MOGAT1: variants seen among roughly 807,000 people sequenced by gnomAD.
MOGAT1 encodes the protein monoacylglycerol O-acyltransferase 1, also known as 2-acylglycerol O-acyltransferase 1.
In MOGAT1, 32 loss-of-function variants were observed where a neutral mutation model predicts 31.4. The ratio of observed to expected loss-of-function variants is 1.02; its 90% CI spans 0.77 to 1.37. The LOEUF (loss-of-function observed/expected upper bound fraction) is 1.37. MOGAT1 is among the 40% of genes most tolerant of loss of function. The probability of loss-of-function intolerance (pLI) is 0.00; values close to 1 mark genes in which losing one functional copy is unlikely to be tolerated. For synonymous variants in MOGAT1, 145 were observed against 144.5 expected, an observed-to-expected ratio of 1.00 and a Z score of -0.03; for missense variants, 426 against 402.0, an observed-to-expected ratio of 1.06 and a Z score of -0.51.
chr2:222,683,618 C>T (rs528796668), intron 1 of MOGAT1, among the ~76,000 whole-genome samples: 1 of 151,990 alleles, frequency 6.6e-6, no homozygotes, highest in Admixed American at 6.5e-5. Flanking sequence ...ATCCCAGCTA[C>T]TTGTGAGGCT....
intron 1 of MOGAT1, chr2:222,677,829 G>T (rs1692521452): frequency 7.7e-6 from 2 of 260,520 alleles, no homozygotes; most frequent in South Asian, 4.9e-5. Flanking sequence ...ATGCCTTCTG[G>T]GTATGCTGCC....
intron 5 of MOGAT1, among the ~76,000 whole-genome samples, chr2:222,704,097 T>G (rs997497301): frequency 1.1e-4 from 16 of 152,220 alleles, no homozygotes; most frequent in African/African-American, 3.9e-4. Context: ...AAAGCTATGA[T>G]TCCTGACTCT....
At position 222,689,360 on chromosome 2, in the gene MOGAT1, T is replaced by G; in HGVS notation, c.369T>G (p.Ser123=). ...CAGTTGGAGCCTTTGGGAATTTTTC[T>G]GTAAATTATTCTGACTTCAAGGACC... is the stretch of plus-strand genomic sequence containing the variant. ...IMAVGAFGNF[S]VNYSDFKDLF... Residue 123 remains serine (S), a synonymous_variant, in exon 3 of 6, where the codon TCT becomes TCG. Transcript: ENST00000446656. 6 of 1,614,090 alleles carry G rather than the reference T, an allele frequency of 3.7e-6. No homozygotes were observed.
At chr2:222,684,720 G>T (rs1291942466) in intron 1 of MOGAT1, among the ~76,000 whole-genome samples, 1 of 152,008 alleles carries the variant, frequency 6.6e-6, no homozygotes, top group African/African-American at 2.4e-5. Flanking sequence ...GGGATTACAG[G>T]TGCCTGCCAC....
chr2:222,709,244 T>C (rs1243467898), intron 5 of MOGAT1, among the ~76,000 whole-genome samples: 2 of 152,058 alleles, frequency 1.3e-5, no homozygotes, highest in East Asian at 3.9e-4. Flanking sequence ...TCGCTTGAAC[T>C]CGGGAGGCGG....
At chr2:222,708,226 G>A (rs1693035988) in intron 5 of MOGAT1, among the ~76,000 whole-genome samples, 1 of 152,164 alleles carries the variant, frequency 6.6e-6, no homozygotes, top group South Asian at 2.1e-4. Flanking sequence ...TGGGATTACA[G>A]GTGCCCGCCA....
rs201634261 is a variant in MOGAT1 at position 222,696,608 on chromosome 2, ATTGT to A, written c.853+1327_853+1330del. Among the ~76,000 whole-genome samples the A allele has an allele frequency of 1.1e-4, 17 of 151,610 alleles. No individual in the cohort carries two copies. In the East Asian group the frequency reaches 2.1e-3, roughly 19 times the overall value. On this transcript the variant is annotated intron_variant, in intron 5 of 5. Coordinates refer to ENST00000446656, the MANE Select transcript of MOGAT1 (RefSeq NM_058165.3). ...CATGTCCTTAGCCCTTTTTGATGGG[ATTGT>A]TTGTTTTGTTCTTGCTGATTTATTT...
At chr2:222,680,130 A>G (rs746460771) in intron 1 of MOGAT1, among the ~76,000 whole-genome samples, 4 of 152,234 alleles carry the variant, frequency 2.6e-5, no homozygotes, top group Non-Finnish European at 5.9e-5. Flanking sequence ...GTCTTTTCAC[A>G]TTATTTTGTC....
At chr2:222,701,928 C>A (rs1225986322) in intron 5 of MOGAT1, among the ~76,000 whole-genome samples, 1 of 152,136 alleles carries the variant, frequency 6.6e-6, no homozygotes, top group African/African-American at 2.4e-5. Flanking sequence ...AAGAAGAGAC[C>A]GTTAAAATTA....
At chr2:222,673,911 G>C (rs1692460807) in intron 1 of MOGAT1, among the ~76,000 whole-genome samples, 1 of 152,190 alleles carries the variant, frequency 6.6e-6, no homozygotes. Flanking sequence ...ACAAATACTT[G>C]AGATATACAC....
At chr2:222,675,998 A>C (rs376881133) in intron 1 of MOGAT1, among the ~76,000 whole-genome samples, 15 of 152,118 alleles carry the variant, frequency 9.9e-5, no homozygotes, top group South Asian at 4.1e-4. Context: ...CCCAGAATGC[A>C]TTTTTCTTCC....
chr2:222,675,838 C>T (rs1692489577), intron 1 of MOGAT1, among the ~76,000 whole-genome samples: 1 of 151,818 alleles, frequency 6.6e-6, no homozygotes. Flanking sequence ...TTTGACTACC[C>T]TACAATTCAA....
chr2:222,678,706 C>G (rs542447259), intron 1 of MOGAT1, among the ~76,000 whole-genome samples: 2 of 152,160 alleles, frequency 1.3e-5, no homozygotes, highest in South Asian at 4.2e-4. Flanking sequence ...TTTGAGAGGC[C>G]GAGGCAGGTG....
At chr2:222,705,213 T>C (rs374221451) in intron 5 of MOGAT1, among the ~76,000 whole-genome samples, 4 of 152,280 alleles carry the variant, frequency 2.6e-5, no homozygotes, top group South Asian at 4.1e-4. Flanking sequence ...GTTGCCATCT[T>C]GGTTTTGGTG....
intron 3 of MOGAT1, 150 bp downstream of exon 3, chr2:222,689,619 C>T: frequency 1.5e-6 from 1 of 686,726 alleles, no homozygotes; most frequent in Non-Finnish European, 2.5e-6. Context: ...CTGGGTGTTT[C>T]CTGCCCTCCC....
At chr2:222,684,192 T>C (rs1692627219) in intron 1 of MOGAT1, among the ~76,000 whole-genome samples, 1 of 152,040 alleles carries the variant, frequency 6.6e-6, no homozygotes, top group East Asian at 1.9e-4. Context: ...TCACCTGAGG[T>C]CAGGAGTTCA....
rs1487120338 is a variant in MOGAT1 at position 222,694,533 on chromosome 2, A to G, written c.650A>G (p.His217Arg). The G allele has an allele frequency of 1.2e-6, 2 of 1,612,860 alleles. No homozygotes were observed. Among genetic ancestry groups the G allele is most frequent in the South Asian group, 1.1e-5 (1 of 90,812 alleles). Residue 217 changes from histidine (H) to arginine (R), a missense_variant, in exon 4 of 6, where the codon CAT becomes CGT. His to Arg is a conservative substitution (Grantham distance 29, BLOSUM62 0). Coordinates refer to ENST00000446656, the MANE Select transcript of MOGAT1 (RefSeq NM_058165.3). ...RKGFVKIALT[H>R]GASLVPVVSF... is the part of the protein sequence containing the mutation. Reference sequence around the variant, plus strand: ...GGATTTGTTAAAATTGCTTTGACCCATGGGTAAGTGGCTTTTTGTATAAAG... The same window carrying G: ...GGATTTGTTAAAATTGCTTTGACCCGTGGGTAAGTGGCTTTTTGTATAAAG...
chr2:222,701,650 GAAGA>G (rs530899839), intron 5 of MOGAT1, among the ~76,000 whole-genome samples: 2 of 126,922 alleles, frequency 1.6e-5, no homozygotes, highest in African/African-American at 5.9e-5. Context: ...GAAAGAGAAA[GAAGA>G]AAGAGAGAGA....
intron 2 of MOGAT1, among the ~76,000 whole-genome samples, chr2:222,688,954 C>T (rs754969940): frequency 2.8e-4 from 43 of 152,154 alleles, no homozygotes; most frequent in Non-Finnish European, 5.9e-4. Context: ...AACACCGTTG[C>T]GTTGGGGATT....
Sources: gnomAD v4.1 joint callset for allele counts (sites outside exome capture counted in the v4.1 genomes callset) on GRCh38, gnomAD v4.1.1 for gene constraint, MANE v1.5 for transcripts, NCBI Gene and HGNC (gene_info 2026-07-23, HGNC 2026-07-21) for gene names.